Variants in PLXDC2 observed in about 807,000 individuals in gnomAD.
PLXDC2 encodes plexin domain-containing protein 2.
PLXDC2 carries 40 observed loss-of-function variants against 68.9 expected under a neutral mutation model. The ratio of observed to expected loss-of-function variants is 0.58; its 90% CI spans 0.45 to 0.76. The LOEUF (loss-of-function observed/expected upper bound fraction) is 0.76, where lower values mean the gene tolerates loss of function less well. PLXDC2 is among the 30% of genes least tolerant of loss of function. The probability of loss-of-function intolerance (pLI) is 0.00; values close to 1 mark genes in which losing one functional copy is unlikely to be tolerated. For synonymous variants in PLXDC2, 243 were observed against 234.2 expected, an observed-to-expected ratio of 1.04 and a Z score of -0.34; for missense variants, 644 against 661.9, an observed-to-expected ratio of 0.97 and a Z score of 0.30.
chr10:19,982,649 G>A (rs1834570875), intron 1 of PLXDC2, among the ~76,000 whole-genome samples: 1 of 152,086 alleles, frequency 6.6e-6, no homozygotes, highest in Non-Finnish European at 1.5e-5. Context: ...CAACAGCAAC[G>A]ACAGTAAGTT....
intron 9 of PLXDC2, among the ~76,000 whole-genome samples, chr10:20,190,019 A>G (rs1235075661): frequency 1.3e-5 from 2 of 151,904 alleles, no homozygotes; most frequent in Non-Finnish European, 2.9e-5. Flanking sequence ...TCCAGTCAGC[A>G]AATACAGTGT....
chr10:20,034,368 A>T (rs1373687342), intron 2 of PLXDC2, among the ~76,000 whole-genome samples: 1 of 152,174 alleles, frequency 6.6e-6, no homozygotes, highest in East Asian at 1.9e-4. Flanking sequence ...TAGGGTAATA[A>T]TTCTCTATGC....
rs78351355 is a variant in PLXDC2, at chr10:20,204,115, G to T, written c.1062-7554G>T. 6.2e-3 allele frequency among the ~76,000 whole-genome samples: 946 copies of T among 152,064 alleles called. 15 individuals carry two copies. The highest frequency in any genetic ancestry group is 0.023 in the East Asian group (117 of 5,142). On this transcript the variant is annotated intron_variant, in intron 9 of 13. Coordinates refer to ENST00000377252, the MANE Select transcript of PLXDC2 (RefSeq NM_032812.9). ...TTCAGCTCAAGATTGTTGATTTTAGGGGAGATGTGTTTAGAAATGTACTTG... is the reference window on the plus strand; with the variant it reads ...TTCAGCTCAAGATTGTTGATTTTAGTGGAGATGTGTTTAGAAATGTACTTG...
intron 1 of PLXDC2, among the ~76,000 whole-genome samples, chr10:19,989,668 T>A (rs1295992342): frequency 6.6e-6 from 1 of 152,054 alleles, no homozygotes; most frequent in African/African-American, 2.4e-5. Context: ...TATTTCCTTT[T>A]TAATGATTTA....
intron 1 of PLXDC2, among the ~76,000 whole-genome samples, chr10:19,869,499 A>G (rs1385941204): frequency 1.8e-3 from 162 of 88,668 alleles, no homozygotes; most frequent in African/African-American, 2.0e-3. Context: ...GGAGGGAGGG[A>G]GGGAGACCAG....
intron 4 of PLXDC2, among the ~76,000 whole-genome samples, chr10:20,137,511 A>G (rs960492063): frequency 6.6e-6 from 1 of 152,246 alleles, no homozygotes; most frequent in Non-Finnish European, 1.5e-5. Flanking sequence ...GAAATCTTCC[A>G]ATTAAAATAA....
In PLXDC2 at chr10:19,822,977, G is replaced by A. The variant is rs533321738; in HGVS notation, c.112+5786G>A. 1.1e-4 allele frequency among the ~76,000 whole-genome samples: 17 copies of A among 151,652 alleles called. No individual in the cohort carries two copies. In the South Asian group the frequency reaches 1.9e-3, roughly 17 times the overall value. ...TTCTCCCAGTCTGGAGTGCAGTGGC[G>A]CGATCTCAGCTCACTGCAAGCACCG... On this transcript the variant is annotated intron_variant, in intron 1 of 13. Transcript: ENST00000377252.
At chr10:20,006,894 G>C (rs541865156) in intron 2 of PLXDC2, among the ~76,000 whole-genome samples, 1 of 152,298 alleles carries the variant, frequency 6.6e-6, no homozygotes, top group East Asian at 1.9e-4. Flanking sequence ...CTATTGATCT[G>C]AATGTTGATT....
At chr10:20,206,631 A>G (rs939916600) in intron 9 of PLXDC2, among the ~76,000 whole-genome samples, 13 of 152,022 alleles carry the variant, frequency 8.6e-5, no homozygotes, top group Admixed American at 7.9e-4. Context: ...ATTGTAGAGG[A>G]GGTCAGAGTG....
At chr10:19,868,364 G>A (rs1221643776) in intron 1 of PLXDC2, among the ~76,000 whole-genome samples, 1 of 152,072 alleles carries the variant, frequency 6.6e-6, no homozygotes, top group South Asian at 2.1e-4. Flanking sequence ...TTTTATATGA[G>A]ATTTGGAAGC....
intron 4 of PLXDC2, among the ~76,000 whole-genome samples, chr10:20,125,750 T>A (rs999976780): frequency 9.2e-5 from 14 of 151,970 alleles, no homozygotes; most frequent in Admixed American, 2.0e-4. Context: ...GTCTTTTTTT[T>A]AAACTGATTA....
chr10:20,162,820 T>C (rs986056857), intron 6 of PLXDC2, among the ~76,000 whole-genome samples: 1 of 150,904 alleles, frequency 6.6e-6, no homozygotes, highest in Non-Finnish European at 1.5e-5. Flanking sequence ...TCCCAGCACT[T>C]TGGGAGGCTG....
chr10:20,202,486 C>T (rs1450504745), intron 9 of PLXDC2, among the ~76,000 whole-genome samples: 1 of 152,136 alleles, frequency 6.6e-6, no homozygotes, highest in Non-Finnish European at 1.5e-5. Context: ...AGTAACCCAG[C>T]GGGGCTTAAA....
chr10:19,874,153 C>T (rs1029834174), intron 1 of PLXDC2, among the ~76,000 whole-genome samples: 2 of 152,122 alleles, frequency 1.3e-5, no homozygotes, highest in African/African-American at 4.8e-5. Flanking sequence ...GTTACTCCTG[C>T]CAATGAAATC....
chr10:20,064,130 T>C (rs1836153364), intron 3 of PLXDC2, among the ~76,000 whole-genome samples: 1 of 152,250 alleles, frequency 6.6e-6, no homozygotes, highest in African/African-American at 2.4e-5. Flanking sequence ...TTTTTTTTCT[T>C]TCATGTTAAA....
intron 4 of PLXDC2, among the ~76,000 whole-genome samples, chr10:20,107,011 G>A (rs981360390): frequency 2.0e-5 from 3 of 148,506 alleles, no homozygotes; most frequent in East Asian, 2.0e-4. Context: ...GACATGTAGT[G>A]TATACATATA....
At chr10:20,069,577 G>A (rs1836281132) in intron 4 of PLXDC2, among the ~76,000 whole-genome samples, 1 of 151,994 alleles carries the variant, frequency 6.6e-6, no homozygotes, top group Non-Finnish European at 1.5e-5. Context: ...ACCACTTGAG[G>A]CCAGGAGTTT....
intron 13 of PLXDC2, among the ~76,000 whole-genome samples, chr10:20,256,786 C>A (rs575957393): frequency 6.6e-6 from 1 of 151,726 alleles, no homozygotes; most frequent in Non-Finnish European, 1.5e-5. Context: ...GAAAATTTGA[C>A]GTAGCATGAG....
rs1224233085 is a variant in PLXDC2 at position 20,164,538 on chromosome 10, T to C, written c.854T>C (p.Val285Ala). The C allele has an allele frequency of 6.2e-7, 1 of 1,613,590 alleles. No homozygotes were observed. The part of the protein sequence containing the change: ...PVKVGLSDAF[V>A]VVHRIQQIPN... The stretch of plus-strand genomic sequence containing the variant: ...AAAGTCGGACTGTCCGATGCATTTG[T>C]CGTTGTCCACAGGATCCAACAAATT... Residue 285 changes from valine to alanine, a missense_variant, in exon 7 of 14, where the codon GTC becomes GCC. Val to Ala is a moderately conservative substitution (Grantham distance 64). Around this residue, in one of 3 missense-constraint regions of PLXDC2, gnomAD observed 330 missense variants for 327.9 expected, o/e 1.01. Coordinates refer to ENST00000377252, the MANE Select transcript of PLXDC2 (RefSeq NM_032812.9).
Sources: allele counts gnomAD v4.1 joint callset (sites outside exome capture counted in the v4.1 genomes callset), GRCh38; gene constraint gnomAD v4.1.1; regional missense constraint gnomAD v4.1.1; transcripts MANE v1.5; gene names NCBI Gene and HGNC (gene_info 2026-07-23, HGNC 2026-07-21).